The following COL22A1 variants were observed in gnomAD, a reference collection of about 807,000 sequenced individuals.
The protein encoded by COL22A1 is collagen type XXII alpha 1 chain.
COL22A1 carries 221 observed loss-of-function variants against 248.9 expected under a neutral mutation model. The ratio of observed to expected loss-of-function variants is 0.89; its 90% confidence interval spans 0.80 to 0.99. COL22A1 has a LOEUF of 0.99. COL22A1 is among the 50% of genes least tolerant of loss of function. COL22A1 has a pLI of 0.00. For synonymous variants in COL22A1, 891 were observed against 793.4 expected (o/e 1.12, Z -2.07); for missense variants, 2,240 against 2,179.0 (o/e 1.03, Z -0.56).
intron 3 of COL22A1, among the ~76,000 whole-genome samples, chr8:138,855,526 G>A (rs187597856): frequency 1.6e-4 from 24 of 152,244 alleles, no homozygotes; most frequent in African/African-American, 4.8e-4. Flanking sequence ...CTTGTGCATC[G>A]GAGCAGGAGC....
intron 41 of COL22A1, among the ~76,000 whole-genome samples, chr8:138,666,038 A>AAT (rs1554739392): frequency 2.6e-5 from 4 of 152,026 alleles, no homozygotes; most frequent in African/African-American, 7.2e-5. Context: ...TGAACTAAAA[A>AAT]ATATATATAT....
chr8:138,688,937 C>G lies in COL22A1; in HGVS notation c.2842G>C (p.Asp948His), dbSNP rs1243700120. The G allele has an allele frequency of 1.2e-6, 2 of 1,613,440 alleles. No homozygotes were observed. The highest frequency in any genetic ancestry group is 8.5e-7 in the Non-Finnish European group (1 of 1,179,510). ...APGLRGTPGK[D>H]GERGEKGAAG... Reference sequence around the variant, plus strand: ...CTTACCTTCTCACCACGCTCCCCATCTTTCCCTGGGGTGCCTCTGAGGCCG... The same window carrying G: ...CTTACCTTCTCACCACGCTCCCCATGTTTCCCTGGGGTGCCTCTGAGGCCG... Residue 948 changes from aspartate to histidine, a missense_variant, in exon 37 of 65, where the codon GAT (aspartate) becomes CAT (histidine). Transcript: ENST00000303045.
intron 45 of COL22A1, among the ~76,000 whole-genome samples, chr8:138,652,082 A>G (rs1203069811): frequency 6.6e-6 from 1 of 152,210 alleles, no homozygotes; most frequent in Non-Finnish European, 1.5e-5. Flanking sequence ...CCCAATCTGC[A>G]GTCTTACAGA....
chr8:138,848,351 C>A (rs1821394650), intron 3 of COL22A1, among the ~76,000 whole-genome samples: 1 of 152,170 alleles, frequency 6.6e-6, no homozygotes, highest in South Asian at 2.1e-4. Context: ...GCATGCGTTC[C>A]TTCTCACCGG....
intron 16 of COL22A1, among the ~76,000 whole-genome samples, chr8:138,767,791 AGGGCGCCC>A (rs1834023788): frequency 6.6e-6 from 1 of 152,070 alleles, no homozygotes; most frequent in Non-Finnish European, 1.5e-5. Flanking sequence ...CTGACAGCAG[AGGGCGCCC>A]CCACTCCACT....
At chr8:138,694,804 G>C (rs756183394) in intron 33 of COL22A1, 22 bp downstream of exon 33, 1 of 1,613,170 alleles carries the variant, frequency 6.2e-7, no homozygotes, top group Admixed American at 1.7e-5. Flanking sequence ...CCCTGCGGGG[G>C]AAGGGGACAC....
In COL22A1 at chr8:138,821,117, A is replaced by G. The variant is rs201860142; in HGVS notation, c.1245+19T>C. 1.1e-3 allele frequency: 1,718 copies of G among 1,605,916 alleles called. 5 individuals are homozygous for G. Among genetic ancestry groups the G allele is most frequent in the Non-Finnish European group, 1.3e-3 (1,561 of 1,173,102 alleles). On this transcript the variant is annotated intron_variant, in intron 7 of 64. Coordinates refer to ENST00000303045, the MANE Select transcript of COL22A1 (RefSeq NM_152888.3). ...CGGTGGCCTGGAACCTGGGCTGCAG[A>G]AGGCCCCCTGGTACTCACGTCAATG...
At chr8:138,854,996 C>G (rs181781409) in intron 3 of COL22A1, among the ~76,000 whole-genome samples, 1 of 152,204 alleles carries the variant, frequency 6.6e-6, no homozygotes, top group East Asian at 1.9e-4. Flanking sequence ...TGGGTCTACT[C>G]AGATAGCCAG....
At position 138,812,985 on chromosome 8, in the gene COL22A1, G is replaced by C. The variant is rs757003563; in HGVS notation, c.1280C>G (p.Ser427Trp). ...ACAAGTCTCCAATTCTGCGTGTCTC[G>C]AGTCACAATAGATCACAATCCGCTG... ...DLQRIVIYCD[S>W]RHAELETCCD... Residue 427 changes from serine to tryptophan, a missense_variant, in exon 8 of 65, where the codon TCG (serine) becomes TGG (tryptophan). Physicochemically the swap from Ser to Trp is radical, Grantham distance 177 (BLOSUM62 -3). Coordinates refer to ENST00000303045, the MANE Select transcript of COL22A1 (RefSeq NM_152888.3). 3.1e-6 allele frequency: 5 copies of C among 1,613,898 alleles called. No homozygotes were observed. Among genetic ancestry groups the C allele is most frequent in the Non-Finnish European group, 4.2e-6 (5 of 1,179,902 alleles).
At chr8:138,725,365 A>G (rs1210083683) in intron 24 of COL22A1, 22 bp downstream of exon 24, 3 of 1,613,306 alleles carry the variant, frequency 1.9e-6, no homozygotes, top group Admixed American at 1.7e-5. Context: ...GAGCCCCTGT[A>G]GAAAATCAAA....
rs74891792 is a variant in COL22A1 at position 138,884,742 on chromosome 8, G to A, written c.-72-1498C>T. Among the ~76,000 whole-genome samples, 1,229 of 152,202 alleles carry A rather than the reference G, an allele frequency of 8.1e-3. 20 individuals carry two copies. Among genetic ancestry groups the A allele is most frequent in the African/African-American group, 0.028 (1,159 of 41,526 alleles). ...AGCACCCTGGACCAGGGCTAGGAGG[G>A]GTTAGCCAAACATAAAAAACATGTG... is the stretch of plus-strand genomic sequence containing the variant. On this transcript the variant is annotated intron_variant, in intron 1 of 64. Coordinates refer to ENST00000303045, the MANE Select transcript of COL22A1 (RefSeq NM_152888.3).
chr8:138,708,806 G>A (rs981279418), intron 30 of COL22A1, among the ~76,000 whole-genome samples: 1 of 152,168 alleles, frequency 6.6e-6, no homozygotes, highest in Non-Finnish European at 1.5e-5. Flanking sequence ...TTAAACTAAA[G>A]AGCTTCTGCA....
chr8:138,694,721 C>T, intron 33 of COL22A1, 105 bp downstream of exon 33: 1 of 1,436,292 alleles, frequency 7.0e-7, no homozygotes, highest in Admixed American at 1.8e-5. Context: ...TTCAGTGTGG[C>T]TCCTGGGTGT....
intron 6 of COL22A1, among the ~76,000 whole-genome samples, chr8:138,825,337 G>C (rs1819497481): frequency 6.6e-6 from 1 of 152,172 alleles, no homozygotes; most frequent in Non-Finnish European, 1.5e-5. Flanking sequence ...AATTGATCAG[G>C]ACAGGCTTGG....
At chr8:138,722,186 G>C (rs1301736640) in intron 25 of COL22A1, 97 bp from the exon 26 acceptor site, 2 of 1,006,988 alleles carry the variant, frequency 2.0e-6, no homozygotes, top group African/African-American at 3.3e-5. Context: ...TTTGCAGCCA[G>C]AATGCAGGAG....
At chr8:138,654,980 G>C (rs753047215) in intron 45 of COL22A1, among the ~76,000 whole-genome samples, 12 of 152,142 alleles carry the variant, frequency 7.9e-5, no homozygotes, top group Non-Finnish European at 1.0e-4. Flanking sequence ...GCAGGACCCA[G>C]GTCCAGGCTG....
intron 52 of COL22A1, 74 bp from the exon 53 acceptor site, chr8:138,619,582 T>C (rs1587690373): frequency 7.1e-7 from 1 of 1,409,352 alleles, no homozygotes; most frequent in Non-Finnish European, 1.0e-6. Flanking sequence ...TCTCTGTGTT[T>C]CCTACCAATC....
At chr8:138,634,276 G>A (rs1262290032) in intron 49 of COL22A1, among the ~76,000 whole-genome samples, 2 of 152,112 alleles carry the variant, frequency 1.3e-5, no homozygotes, top group East Asian at 1.9e-4. Context: ...CCTATTTGAA[G>A]GGGGATCCTT....
At chr8:138,641,120 T>C (rs142655092) in intron 47 of COL22A1, among the ~76,000 whole-genome samples, 473 of 152,354 alleles carry the variant, frequency 3.1e-3, no homozygotes, top group African/African-American at 0.01. Flanking sequence ...TTGGTGAGAA[T>C]CTTTCAGAAC....
Sources: allele counts gnomAD v4.1 joint callset (sites outside exome capture counted in the v4.1 genomes callset), GRCh38; gene constraint gnomAD v4.1.1; transcripts MANE v1.5; gene names NCBI Gene and HGNC (gene_info 2026-07-23, HGNC 2026-07-21).